Variants in ADGRV1 observed in about 807,000 individuals in gnomAD.
ADGRV1 encodes adhesion G protein-coupled receptor V1.
ADGRV1 carries 359 observed loss-of-function variants against 596.2 expected under a neutral mutation model. The ratio of observed to expected loss-of-function variants is 0.60; its 90% CI spans 0.55 to 0.66. The LOEUF (loss-of-function observed/expected upper bound fraction) is 0.66. Ranked by LOEUF, ADGRV1 falls within the 30% of genes least tolerant of loss-of-function variation. The probability of loss-of-function intolerance (pLI) is 0.00; values close to 1 mark genes in which losing one functional copy is unlikely to be tolerated. For missense variants in ADGRV1, 7,274 were observed against 7,575.6 expected, an observed-to-expected ratio of 0.96 and a Z score of 1.48; for synonymous variants, 2,681 against 2,679.2, an observed-to-expected ratio of 1.00 and a Z score of -0.02.
At chr5:90,765,010 A>G (rs949754058) in intron 59 of ADGRV1, among the ~76,000 whole-genome samples, 1 of 152,110 alleles carries the variant, frequency 6.6e-6, no homozygotes, top group Non-Finnish European at 1.5e-5. Flanking sequence ...GGAGGAGAGA[A>G]GCACTCCCAC....
intron 4 of ADGRV1, among the ~76,000 whole-genome samples, chr5:90,620,751 A>T (rs1380104103): frequency 6.6e-6 from 1 of 152,166 alleles, no homozygotes; most frequent in Non-Finnish European, 1.5e-5. Context: ...TAAGTCTTTA[A>T]TCTATCTTGA....
chr5:90,839,404 TG>T (rs200872628), intron 77 of ADGRV1, among the ~76,000 whole-genome samples: 2,431 of 152,084 alleles, frequency 0.016, 66 homozygotes, highest in African/African-American at 0.056. Context: ...TTAGTAGAGA[TG>T]GGGTTTCACC....
intron 59 of ADGRV1, among the ~76,000 whole-genome samples, chr5:90,765,429 CCACACACACACA>C (rs531033246): frequency 4.0e-4 from 55 of 136,356 alleles, no homozygotes; most frequent in South Asian, 7.3e-4. Context: ...AAATCACAGA[CCACACACACACA>C]CACACACACA....
chr5:90,697,684 A>G (rs1747369863), intron 34 of ADGRV1, among the ~76,000 whole-genome samples: 1 of 151,906 alleles, frequency 6.6e-6, no homozygotes. Context: ...TCCTTAAAAA[A>G]CAGTAATTTT....
Position 90,757,022 on chromosome 5 carries a change from T to G in ADGRV1, c.11801T>G (p.Leu3934Trp). ...ACTGCCTATGAGGTGCCTCCACCCTTGAACGTTCTTCAAGTTCCTGTAGTC... is the reference window on the plus strand; with the variant it reads ...ACTGCCTATGAGGTGCCTCCACCCTGGAACGTTCTTCAAGTTCCTGTAGTC... ...VITAYEVPPP[L>W]NVLQVPVVRL... Residue 3934 changes from leucine (L) to tryptophan (W), a missense_variant, in exon 57 of 90, where the codon TTG becomes TGG. Physicochemically the swap from Leu to Trp is moderately conservative, Grantham distance 61 (BLOSUM62 -2). Around this residue, in one of 5 missense-constraint regions of ADGRV1, gnomAD observed 3,643 missense variants for 3,809.2 expected, o/e 0.96. Coordinates refer to ENST00000405460, the MANE Select transcript of ADGRV1 (RefSeq NM_032119.4). 6.2e-7 allele frequency: 1 copy of G among 1,613,812 alleles called. No individual in the cohort carries two copies. Among genetic ancestry groups the G allele is most frequent in the Non-Finnish European group, 8.5e-7 (1 of 1,179,784 alleles).
chr5:90,860,442 A>G (rs1767445973), intron 82 of ADGRV1, among the ~76,000 whole-genome samples: 1 of 152,080 alleles, frequency 6.6e-6, no homozygotes, highest in Non-Finnish European at 1.5e-5. Flanking sequence ...CTGGGATTAC[A>G]GGTGCCCGCC....
chr5:91,044,286 C>T (rs935311101), intron 85 of ADGRV1, among the ~76,000 whole-genome samples: 7 of 152,058 alleles, frequency 4.6e-5, no homozygotes, highest in Non-Finnish European at 8.8e-5. Context: ...TTTAGTTTGA[C>T]TTCTCAAAGT....
chr5:90,642,708 C>T lies in ADGRV1; in HGVS notation c.2313C>T (p.Asp771=), dbSNP rs1767133810. Residue 771 remains aspartate (D), a synonymous_variant, in exon 12 of 90, where the codon GAC becomes GAT. Coordinates refer to ENST00000405460, the MANE Select transcript of ADGRV1 (RefSeq NM_032119.4). ...ACCTAATTATTTTGGAAAATGATGA[C>T]CCTGGGGGAGTTTTTGAATTTTCTC... ...SRDLIILEND[D]PGGVFEFSPA... is the part of the protein sequence containing the mutation. The T allele has an allele frequency of 6.2e-7, 1 of 1,613,378 alleles. No individual in the cohort carries two copies. The highest frequency in any genetic ancestry group is 1.1e-5 in the South Asian group (1 of 91,056).
rs1456650539 is a variant in ADGRV1 at position 90,760,282 on chromosome 5, A to G, written c.12120+694A>G. 2.0e-5 allele frequency among the ~76,000 whole-genome samples: 3 copies of G among 151,298 alleles called. No individual in the cohort carries two copies. The East Asian group carries it at 6.3e-4, about 32-fold the overall frequency. On this transcript the variant is annotated intron_variant, in intron 58 of 89. Transcript: ENST00000405460. Reference sequence around the variant, plus strand: ...CAGAGTGAGACTTCGTCTCAAAAAAAAAAAAAAAAAAGGAAAGAAAGTCTT... The same window carrying G: ...CAGAGTGAGACTTCGTCTCAAAAAAGAAAAAAAAAAAGGAAAGAAAGTCTT...
At chr5:91,008,389 A>G (rs774060856) in intron 85 of ADGRV1, among the ~76,000 whole-genome samples, 3 of 152,212 alleles carry the variant, frequency 2.0e-5, no homozygotes, top group Non-Finnish European at 4.4e-5. Context: ...CCAGATAGAT[A>G]TAGTAGATGC....
chr5:90,713,817 G>A (rs997543101), intron 42 of ADGRV1, among the ~76,000 whole-genome samples: 1 of 152,136 alleles, frequency 6.6e-6, no homozygotes, highest in Non-Finnish European at 1.5e-5. Context: ...CCACCTCCAT[G>A]AGTAGGAGAA....
rs972838002 is a variant in ADGRV1, at chr5:90,855,825, T to C, written c.17679T>C (p.Tyr5893=). ...VECACSHMSV[Y]AVYARTDNLS... The stretch of plus-strand genomic sequence containing the variant: ...GTGCCTGTTCACACATGTCTGTGTA[T>C]GCTGTCTATGCTCGGACTGACAACT... The change falls in exon 82 of 90, where the codon TAT becomes TAC. Residue 5893 remains tyrosine (Y), a synonymous_variant. Transcript: ENST00000405460. The C allele has an allele frequency of 2.5e-6, 4 of 1,612,548 alleles. No individual in the cohort carries two copies. Among genetic ancestry groups the C allele is most frequent in the Non-Finnish European group, 3.4e-6 (4 of 1,178,682 alleles).
chr5:90,567,886 C>T (rs892174055), intron 1 of ADGRV1, among the ~76,000 whole-genome samples: 1 of 151,814 alleles, frequency 6.6e-6, no homozygotes, highest in African/African-American at 2.4e-5. Flanking sequence ...ATTACAGGCA[C>T]CTGCCACCAC....
At position 90,811,003 on chromosome 5, in the gene ADGRV1, C is replaced by T. The variant is rs370176426; in HGVS notation, c.15743C>T (p.Thr5248Ile). The T allele has an allele frequency of 5.0e-6, 8 of 1,613,870 alleles. No homozygotes were observed. In the East Asian group the frequency reaches 1.3e-4, roughly 27 times the overall value. Residue 5248 changes from threonine to isoleucine, a missense_variant, in exon 74 of 90, where the codon ACT (threonine) becomes ATT (isoleucine). Around this residue, in one of 5 missense-constraint regions of ADGRV1, gnomAD observed 1,874 missense variants for 1,970.2 expected, o/e 0.95. Coordinates refer to ENST00000405460, the MANE Select transcript of ADGRV1 (RefSeq NM_032119.4). ...FNTAEVLIRR[T>I]GGFTGNVSIT... is the part of the protein sequence containing the mutation. ...ACTGCAGAAGTTCTTATCCGAAGAACTGGTGGGTTTACTGGCAATGTCAGC... is the reference window on the plus strand; with the variant it reads ...ACTGCAGAAGTTCTTATCCGAAGAATTGGTGGGTTTACTGGCAATGTCAGC...
intron 50 of ADGRV1, among the ~76,000 whole-genome samples, chr5:90,739,280 A>G (rs1753653109): frequency 6.6e-6 from 1 of 151,862 alleles, no homozygotes; most frequent in Non-Finnish European, 1.5e-5. Context: ...AATTTTTGTC[A>G]TTCATTTTAT....
Position 91,128,857 on chromosome 5 carries a change from CT to C in ADGRV1, c.18433-21168del, listed in dbSNP as rs1793978317. ...CAGGATTCACTGGGAAATAAATGCTCTTTTTAAGTTCCTGGAGGATTATTAT... is the reference window on the plus strand; with the variant it reads ...CAGGATTCACTGGGAAATAAATGCTCTTTTAAGTTCCTGGAGGATTATTAT... On this transcript the variant is annotated intron_variant, in intron 87 of 89. Transcript: ENST00000405460. Among the ~76,000 whole-genome samples, 2 of 152,086 alleles carry C rather than the reference CT, an allele frequency of 1.3e-5. 1 individual carries two copies. Among genetic ancestry groups the C allele is most frequent in the South Asian group, 4.1e-4 (2 of 4,824 alleles).
chr5:90,909,207 C>G (rs1418833576), intron 83 of ADGRV1, among the ~76,000 whole-genome samples: 3 of 152,176 alleles, frequency 2.0e-5, no homozygotes, highest in Admixed American at 6.5e-5. Context: ...GCTGTAGTAT[C>G]AAATTGCTTT....
In ADGRV1 at chr5:90,725,240, C is replaced by T. The variant is rs1360626411; in HGVS notation, c.10053+8C>T. On this transcript the variant is annotated splice_region_variant and intron_variant, in intron 47 of 89. Transcript: ENST00000405460. ...GGATTTAAATTATTCCTGGTAAAAA[C>T]ATTTTCATTTTTAAATAGATTACTT... 2 of 1,344,520 alleles carry T rather than the reference C, an allele frequency of 1.5e-6. No individual in the cohort carries two copies. The highest frequency in any genetic ancestry group is 3.0e-5 in the African/African-American group (2 of 65,846). 83.3% of individuals were successfully genotyped at this position (1,344,520 alleles called of 1,614,324 possible).
chr5:90,743,122 A>G (rs1220415015), intron 50 of ADGRV1, among the ~76,000 whole-genome samples: 1 of 152,138 alleles, frequency 6.6e-6, no homozygotes, highest in Non-Finnish European at 1.5e-5. Context: ...CTTGGTTGAG[A>G]CTATTGAATC....
Sources: allele counts gnomAD v4.1 joint callset (sites outside exome capture counted in the v4.1 genomes callset), GRCh38; gene constraint gnomAD v4.1.1; regional missense constraint gnomAD v4.1.1; transcripts MANE v1.5; gene names NCBI Gene and HGNC (gene_info 2026-07-23, HGNC 2026-07-21).